ROBO1: variants seen among roughly 807,000 people sequenced by gnomAD.
The protein encoded by ROBO1 is roundabout guidance receptor 1, also known as roundabout homolog 1.
In ROBO1, 149 loss-of-function variants were observed where a neutral mutation model predicts 195.9. That is an observed-to-expected ratio of 0.76 (90% confidence interval 0.67 to 0.87). ROBO1 has a LOEUF of 0.87. ROBO1 is among the 40% of genes least tolerant of loss of function. The pLI is 0.00. For missense variants in ROBO1, 1,933 were observed against 2,068.3 expected (o/e 0.93, Z 1.27); for synonymous variants, 816 against 733.2 (o/e 1.11, Z -1.82).
intron 4 of ROBO1, among the ~76,000 whole-genome samples, chr3:78,932,511 G>A (rs958045521): frequency 2.0e-5 from 3 of 152,098 alleles, no homozygotes; most frequent in African/African-American, 7.2e-5. Flanking sequence ...CAGTAATACT[G>A]AACACAGTTA....
At chr3:79,420,812 A>G (rs567776334) in intron 2 of ROBO1, among the ~76,000 whole-genome samples, 1 of 152,302 alleles carries the variant, frequency 6.6e-6, no homozygotes, top group Non-Finnish European at 1.5e-5. Context: ...TGTGGAAAGC[A>G]GTGGACAATT....
intron 2 of ROBO1, among the ~76,000 whole-genome samples, chr3:79,427,042 T>C (rs575515391): frequency 6.6e-6 from 1 of 152,324 alleles, no homozygotes. Flanking sequence ...TGCTTCAGAC[T>C]AAATAGAACT....
intron 2 of ROBO1, among the ~76,000 whole-genome samples, chr3:79,319,850 A>G (rs1248945952): frequency 6.6e-6 from 1 of 152,122 alleles, no homozygotes; most frequent in African/African-American, 2.4e-5. Context: ...TAATTTATTG[A>G]ATAATTAAGT....
chr3:79,664,779 A>T (rs973416012), intron 1 of ROBO1, among the ~76,000 whole-genome samples: 1 of 151,776 alleles, frequency 6.6e-6, no homozygotes, highest in East Asian at 1.9e-4. Flanking sequence ...CTCTACCATA[A>T]ATTTTCCGTG....
chr3:79,455,799 T>A (rs2039601058), intron 2 of ROBO1, among the ~76,000 whole-genome samples: 1 of 152,156 alleles, frequency 6.6e-6, no homozygotes, highest in African/African-American at 2.4e-5. Context: ...GTTGTAATTA[T>A]TAAAAAAGAA....
At chr3:79,342,414 C>A (rs1015327326) in intron 2 of ROBO1, among the ~76,000 whole-genome samples, 45 of 152,196 alleles carry the variant, frequency 3.0e-4, no homozygotes, top group African/African-American at 1.1e-3. Flanking sequence ...TGTCAGACAT[C>A]ATAAAGAAAA....
chr3:78,786,694 G>A, intron 4 of ROBO1, among the ~76,000 whole-genome samples: 1 of 152,136 alleles, frequency 6.6e-6, no homozygotes, highest in East Asian at 1.9e-4. Flanking sequence ...CCTTGCACAT[G>A]TTCTCTTGCC....
chr3:78,803,020 T>C (rs1576195748), intron 4 of ROBO1, among the ~76,000 whole-genome samples: 1 of 152,140 alleles, frequency 6.6e-6, no homozygotes, highest in African/African-American at 2.4e-5. Context: ...ATTGTAACTT[T>C]ATTGAAAAGA....
At chr3:79,017,395 C>T (rs2077971485) in intron 3 of ROBO1, among the ~76,000 whole-genome samples, 1 of 151,160 alleles carries the variant, frequency 6.6e-6, no homozygotes. Context: ...ACCGATAAGC[C>T]CTGATGCAAT....
intron 2 of ROBO1, among the ~76,000 whole-genome samples, chr3:79,227,614 C>T (rs923940958): frequency 2.0e-5 from 3 of 152,128 alleles, no homozygotes; most frequent in African/African-American, 7.2e-5. Context: ...TGACCTCCAG[C>T]TCACCTTCCT....
chr3:79,513,708 T>C (rs1289263240), intron 2 of ROBO1, among the ~76,000 whole-genome samples: 1 of 62,830 alleles, frequency 1.6e-5, no homozygotes, highest in Non-Finnish European at 2.8e-5. Flanking sequence ...GAATTTGCCA[T>C]GGAAAAAAAA....
chr3:79,104,098 T>C (rs1043538207), intron 3 of ROBO1, among the ~76,000 whole-genome samples: 13 of 151,718 alleles, frequency 8.6e-5, no homozygotes, highest in Non-Finnish European at 1.8e-4. Context: ...CCTAGGGATT[T>C]TGATTTGTTG....
At chr3:78,680,324 T>A (rs911399482) in intron 10 of ROBO1, among the ~76,000 whole-genome samples, 1 of 151,932 alleles carries the variant, frequency 6.6e-6, no homozygotes, top group South Asian at 2.1e-4. Context: ...AAGTCAAAAT[T>A]GACAAATGGG....
intron 23 of ROBO1, 146 bp from the exon 24 acceptor site, chr3:78,634,188 G>T (rs1705349519): frequency 6.4e-6 from 3 of 469,870 alleles, no homozygotes; most frequent in Non-Finnish European, 1.1e-5. Flanking sequence ...GTTGTATTCA[G>T]ATTGTCAGGA....
At chr3:79,230,711 C>G (rs2082303250) in intron 2 of ROBO1, among the ~76,000 whole-genome samples, 1 of 151,894 alleles carries the variant, frequency 6.6e-6, no homozygotes, top group Non-Finnish European at 1.5e-5. Flanking sequence ...AATGATATTC[C>G]CATTAAACTA....
At chr3:78,746,929 C>G in intron 4 of ROBO1, 29 bp from the exon 5 acceptor site, 1 of 1,445,918 alleles carries the variant, frequency 6.9e-7, no homozygotes, top group Non-Finnish European at 9.3e-7. Context: ...ATCATTATAC[C>G]CAAAAGTGAT....
intron 4 of ROBO1, among the ~76,000 whole-genome samples, chr3:78,754,341 G>A (rs2082872861): frequency 6.6e-6 from 1 of 152,010 alleles, no homozygotes; most frequent in Admixed American, 6.6e-5. Flanking sequence ...AGCCTGGCAG[G>A]GTTAAAAAAA....
chr3:79,325,677 T>G (rs979077370), intron 2 of ROBO1, among the ~76,000 whole-genome samples: 6 of 152,178 alleles, frequency 3.9e-5, no homozygotes, highest in African/African-American at 1.4e-4. Flanking sequence ...ACATAAATTG[T>G]GAAGATTTCA....
rs199785217 is a variant in ROBO1 at position 79,539,157 on chromosome 3, T to C, written c.88+50667A>G. On this transcript the variant is annotated intron_variant, in intron 2 of 30. Coordinates refer to ENST00000464233, the MANE Select transcript of ROBO1 (RefSeq NM_002941.4). ...TCATGGCAAACAAATTCCTTATCAATTGAAACATTACTTTAAGCCTGTCAA... is the reference window on the plus strand; with the variant it reads ...TCATGGCAAACAAATTCCTTATCAACTGAAACATTACTTTAAGCCTGTCAA... Among the ~76,000 whole-genome samples, 30 of 152,294 alleles carry C rather than the reference T, an allele frequency of 2.0e-4. No homozygotes were observed. In the East Asian group the frequency reaches 5.2e-3, roughly 26 times the overall value.
Sources: allele counts gnomAD v4.1 joint callset (sites outside exome capture counted in the v4.1 genomes callset), GRCh38; gene constraint gnomAD v4.1.1; transcripts MANE v1.5; gene names NCBI Gene and HGNC (gene_info 2026-07-23, HGNC 2026-07-21).